EHD3: variants seen among roughly 807,000 people sequenced by gnomAD.
EHD3 encodes EH domain containing 3.
EHD3 carries 17 observed loss-of-function variants against 43.0 expected under a neutral mutation model. The observed-to-expected ratio is 0.40, with a 90% CI of 0.27 to 0.59. The LOEUF (loss-of-function observed/expected upper bound fraction) is 0.59. Among genes scored for constraint, EHD3 ranks in the 20% least tolerant of loss-of-function variants. The probability of loss-of-function intolerance (pLI) is 0.49; values close to 1 mark genes in which losing one functional copy is unlikely to be tolerated. For missense variants in EHD3, 594 were observed against 705.6 expected (o/e 0.84, Z 1.79); for synonymous variants, 313 against 289.5 (o/e 1.08, Z -0.82).
chr2:31,244,721 C>A (rs916019248), intron 2 of EHD3, among the ~76,000 whole-genome samples: 2 of 152,200 alleles, frequency 1.3e-5, no homozygotes, highest in African/African-American at 4.8e-5. Flanking sequence ...CCTGCACCTA[C>A]CCCTAGTAAA....
intron 1 of EHD3, 32 bp from the exon 2 acceptor site, chr2:31,244,242 G>T (rs576038350): frequency 1.3e-6 from 2 of 1,590,622 alleles, no homozygotes; most frequent in Non-Finnish European, 1.7e-6. Context: ...TGCGCAGAAC[G>T]CCTGCATTAG....
intron 3 of EHD3, among the ~76,000 whole-genome samples, chr2:31,252,666 G>T (rs1266069703): frequency 6.6e-6 from 1 of 152,114 alleles, no homozygotes; most frequent in Non-Finnish European, 1.5e-5. Flanking sequence ...GTAGAGACGG[G>T]GTTTCACTAC....
intron 5 of EHD3, among the ~76,000 whole-genome samples, chr2:31,263,127 T>C (rs963347942): frequency 2.0e-5 from 3 of 152,216 alleles, no homozygotes; most frequent in African/African-American, 7.2e-5. Context: ...TTCCAAGTAT[T>C]TGGAATTTGT....
chr2:31,252,624 G>A (rs1401104912), intron 3 of EHD3, among the ~76,000 whole-genome samples: 2 of 152,124 alleles, frequency 1.3e-5, no homozygotes, highest in African/African-American at 4.8e-5. Context: ...ACAGGCATGC[G>A]CCACCACACC....
intron 3 of EHD3, among the ~76,000 whole-genome samples, chr2:31,256,718 G>T (rs534243532): frequency 6.6e-6 from 1 of 152,326 alleles, no homozygotes; most frequent in Non-Finnish European, 1.5e-5. Context: ...CTCTTACATC[G>T]CTGGTGTCAT....
At chr2:31,242,167 C>T (rs1487615671) in intron 1 of EHD3, among the ~76,000 whole-genome samples, 1 of 152,224 alleles carries the variant, frequency 6.6e-6, no homozygotes, top group Non-Finnish European at 1.5e-5. Flanking sequence ...CAGAACGCTG[C>T]TCAAAGGCAC....
At chr2:31,254,053 C>T (rs989146113) in intron 3 of EHD3, among the ~76,000 whole-genome samples, 3 of 152,194 alleles carry the variant, frequency 2.0e-5, no homozygotes, top group Non-Finnish European at 2.9e-5. Flanking sequence ...ACAGACTGCA[C>T]AGCTTGAAGC....
At position 31,267,529 on chromosome 2, in the gene EHD3, G is replaced by T. The variant is rs1683979260; in HGVS notation, c.*825G>T. On this transcript the variant is annotated 3_prime_UTR_variant, in exon 6 of 6. Coordinates refer to ENST00000322054, the MANE Select transcript of EHD3 (RefSeq NM_014600.3). Reference sequence around the variant, plus strand: ...TCCTGCGTACCAGGAGCTGTGTTAGGCACTTTATATACATTATTCTATGTG... The same window carrying T: ...TCCTGCGTACCAGGAGCTGTGTTAGTCACTTTATATACATTATTCTATGTG... 1 of 152,544 alleles carries T rather than the reference G, an allele frequency of 6.6e-6. No homozygotes were observed. Among genetic ancestry groups the T allele is most frequent in the African/African-American group, 2.4e-5 (1 of 41,410 alleles). The allele number at this position is 152,544 out of a possible 1,614,324, so 9.4% of individuals were successfully genotyped here.
At chr2:31,246,747 G>A (rs770730822) in intron 2 of EHD3, among the ~76,000 whole-genome samples, 24 of 151,818 alleles carry the variant, frequency 1.6e-4, no homozygotes, top group Non-Finnish European at 5.9e-5. Flanking sequence ...GGGTGGGGGT[G>A]GTTTACTTTG....
At position 31,267,414 on chromosome 2, in the gene EHD3, T is replaced by C. The variant is rs1407486651; in HGVS notation, c.*710T>C. 1 of 152,284 alleles carries C rather than the reference T, an allele frequency of 6.6e-6. No individual in the cohort carries two copies. The highest frequency in any genetic ancestry group is 1.5e-5 in the Non-Finnish European group (1 of 68,010). 9.4% of individuals were successfully genotyped at this position (152,284 alleles called of 1,614,324 possible). On this transcript the variant is annotated 3_prime_UTR_variant, in exon 6 of 6. Coordinates refer to ENST00000322054, the MANE Select transcript of EHD3 (RefSeq NM_014600.3). ...GTAGTCTATTGAAAACCAGTCAAGG[T>C]GGTTTTAGTTCATAGATTTTGTTAG...
At chr2:31,244,952 C>T (rs1183683142) in intron 2 of EHD3, among the ~76,000 whole-genome samples, 1 of 152,158 alleles carries the variant, frequency 6.6e-6, no homozygotes, top group African/African-American at 2.4e-5. Context: ...TCTCTTCCCC[C>T]GGGACAAGTT....
chr2:31,266,317 G>C lies in EHD3; in HGVS notation c.1221G>C (p.Gln407His). 1 of 1,614,212 alleles carries C rather than the reference G, an allele frequency of 6.2e-7. No homozygotes were observed. The highest frequency in any genetic ancestry group is 2.2e-5 in the East Asian group (1 of 44,872). ...AGGAGGAGTCACAGCGGCCCATCCAGATGGTGAAGGGCGGAGCGTTCGAGG... is the reference window on the plus strand; with the variant it reads ...AGGAGGAGTCACAGCGGCCCATCCACATGGTGAAGGGCGGAGCGTTCGAGG... ...VRQEESQRPI[Q>H]MVKGGAFEGT... The change falls in exon 6 of 6, where the codon CAG (glutamine) becomes CAC (histidine). Residue 407 changes from glutamine to histidine, a missense_variant. By Grantham distance (24) the Gln-to-His change is conservative (BLOSUM62 0). Coordinates refer to ENST00000322054, the MANE Select transcript of EHD3 (RefSeq NM_014600.3). The surrounding 1 kb of genome is among the most constrained non-coding windows in gnomAD (Gnocchi z 5.1).
At chr2:31,264,824 C>T (rs538623096) in intron 5 of EHD3, among the ~76,000 whole-genome samples, 6 of 152,200 alleles carry the variant, frequency 3.9e-5, no homozygotes, top group Admixed American at 2.6e-4. Context: ...TGAGCCACCG[C>T]GCCTAGCCTA....
chr2:31,243,408 A>T (rs1421927040), intron 1 of EHD3, among the ~76,000 whole-genome samples: 2 of 149,020 alleles, frequency 1.3e-5, no homozygotes, highest in African/African-American at 4.9e-5. Flanking sequence ...GTAGGATAGG[A>T]TGGAGATTCA....
rs537831838 is a variant in EHD3 at position 31,260,574 on chromosome 2, C to T, written c.567C>T (p.Phe189=). Residue 189 remains phenylalanine, a synonymous_variant, in exon 4 of 6, where the codon TTC becomes TTT. Transcript: ENST00000322054. The surrounding 1 kb of genome is among the most constrained non-coding windows in gnomAD (Gnocchi z 4.6). ...GGGTTGACCGCATCATTCTGCTCTTCGATGCCCACAAACTGGACATCTCTG... is the reference window on the plus strand; with the variant it reads ...GGGTTGACCGCATCATTCTGCTCTTTGATGCCCACAAACTGGACATCTCTG... ...AERVDRIILL[F]DAHKLDISDE... The T allele has an allele frequency of 2.0e-5, 32 of 1,614,104 alleles. No individual in the cohort carries two copies. Among genetic ancestry groups the T allele is most frequent in the Admixed American group, 1.2e-4 (7 of 60,022 alleles).
chr2:31,253,277 C>T (rs1295305458), intron 3 of EHD3, among the ~76,000 whole-genome samples: 2 of 148,440 alleles, frequency 1.3e-5, no homozygotes, highest in East Asian at 4.0e-4. Flanking sequence ...CACACACACA[C>T]ACAAATGTGT....
chr2:31,245,795 G>A (rs1404555099), intron 2 of EHD3, among the ~76,000 whole-genome samples: 1 of 140,428 alleles, frequency 7.1e-6, no homozygotes, highest in Non-Finnish European at 1.5e-5. Flanking sequence ...TTGTCAGGCT[G>A]GTCTCGAACT....
At chr2:31,250,092 G>T (rs958481802) in intron 3 of EHD3, among the ~76,000 whole-genome samples, 1 of 15,794 alleles carries the variant, frequency 6.3e-5, no homozygotes, top group East Asian at 2.0e-3. Flanking sequence ...TACTTTGTCT[G>T]AAAAATGGTG....
chr2:31,257,070 T>C (rs986356787), intron 3 of EHD3, among the ~76,000 whole-genome samples: 1 of 152,202 alleles, frequency 6.6e-6, no homozygotes, highest in African/African-American at 2.4e-5. Context: ...TCCTGTGGCC[T>C]GCACTGGCAC....
Sources: gnomAD v4.1 joint callset for allele counts (sites outside exome capture counted in the v4.1 genomes callset) on GRCh38, gnomAD v4.1.1 for gene constraint, Gnocchi (gnomAD v3.1) non-coding constraint, MANE v1.5 for transcripts, NCBI Gene and HGNC (gene_info 2026-07-23, HGNC 2026-07-21) for gene names.